Variants in BACH2 observed in about 807,000 individuals in gnomAD.
BACH2 encodes the protein BACH transcriptional regulator 2.
A neutral mutation model predicts 61.8 loss-of-function variants in BACH2; 5 were observed. The ratio of observed to expected loss-of-function variants is 0.08; its 90% CI spans 0.04 to 0.17. The LOEUF is 0.17. BACH2 is among the 10% of genes least tolerant of loss of function. The pLI is 1.00. For missense variants in BACH2, 824 were observed against 1,091.1 expected (o/e 0.76, Z 3.45); for synonymous variants, 446 against 440.1 (o/e 1.01, Z -0.17).
chr6:90,052,654 C>T (rs887071819), intron 5 of BACH2, among the ~76,000 whole-genome samples: 1 of 152,170 alleles, frequency 6.6e-6, no homozygotes, highest in Non-Finnish European at 1.5e-5. Context: ...CTCCTGGCCT[C>T]AAGTGATCTG....
At chr6:90,272,469 ACTC>A (rs1301061233) in intron 1 of BACH2, among the ~76,000 whole-genome samples, 1 of 149,268 alleles carries the variant, frequency 6.7e-6, no homozygotes, top group African/African-American at 2.5e-5. Context: ...CCTCCCTTGA[ACTC>A]CTCTCCTTTA....
intron 4 of BACH2, among the ~76,000 whole-genome samples, chr6:90,103,495 T>G (rs1445047005): frequency 6.6e-6 from 1 of 152,194 alleles, no homozygotes; most frequent in Non-Finnish European, 1.5e-5. Flanking sequence ...ATCGGATTTG[T>G]GTGTAAATGA....
intron 5 of BACH2, among the ~76,000 whole-genome samples, chr6:90,075,672 C>T (rs1161733666): frequency 6.6e-6 from 1 of 152,092 alleles, no homozygotes; most frequent in Non-Finnish European, 1.5e-5. Context: ...AGAAAACCTG[C>T]CATTTGGAAG....
chr6:90,139,175 T>C (rs1336164857), intron 4 of BACH2, among the ~76,000 whole-genome samples: 1 of 152,264 alleles, frequency 6.6e-6, no homozygotes, highest in East Asian at 1.9e-4. Context: ...AGTGATTCTA[T>C]ATGCCCATGG....
intron 4 of BACH2, among the ~76,000 whole-genome samples, chr6:90,142,542 G>C (rs1784494721): frequency 6.6e-6 from 1 of 152,104 alleles, no homozygotes; most frequent in African/African-American, 2.4e-5. Flanking sequence ...ACAGTACTTT[G>C]TTATTCAAAA....
chr6:90,071,554 C>T (rs1041463887), intron 5 of BACH2, among the ~76,000 whole-genome samples: 4 of 152,224 alleles, frequency 2.6e-5, no homozygotes, highest in Admixed American at 2.6e-4. Context: ...CATGGCAGTA[C>T]AGCCTTTTCT....
At chr6:90,192,644 G>A (rs899523253) in intron 4 of BACH2, among the ~76,000 whole-genome samples, 3 of 152,236 alleles carry the variant, frequency 2.0e-5, no homozygotes, top group Admixed American at 2.0e-4. Flanking sequence ...CTGTACTGTA[G>A]AAAATCACTC....
intron 3 of BACH2, among the ~76,000 whole-genome samples, chr6:90,210,829 A>C (rs1047878061): frequency 1.3e-5 from 2 of 152,168 alleles, no homozygotes; most frequent in African/African-American, 4.8e-5. Context: ...GACTTCTAAA[A>C]GGTTAATGAA....
At chr6:89,960,386 TCC>T (rs1774676759) in intron 6 of BACH2, among the ~76,000 whole-genome samples, 1 of 152,232 alleles carries the variant, frequency 6.6e-6, no homozygotes, top group African/African-American at 2.4e-5. Flanking sequence ...ACTCTCATGC[TCC>T]CTTTCTACCT....
intron 2 of BACH2, among the ~76,000 whole-genome samples, chr6:90,271,455 A>G (rs907835616): frequency 6.6e-6 from 1 of 152,038 alleles, no homozygotes; most frequent in Non-Finnish European, 1.5e-5. Context: ...CAGAGCTTGG[A>G]GATTCATTCA....
chr6:90,012,816 T>C lies in BACH2; in HGVS notation c.-12-3960A>G, dbSNP rs12662299. Among the ~76,000 whole-genome samples, 631 of 151,964 alleles carry C rather than the reference T, an allele frequency of 4.2e-3. 15 individuals carry two copies. In the East Asian group the frequency reaches 0.082, roughly 20 times the overall value. ...GAGTAGCTGGAATTAAAGAGGCATGTGCCACCGTGCTTGGTCAATTTTTGT... is the reference window on the plus strand; with the variant it reads ...GAGTAGCTGGAATTAAAGAGGCATGCGCCACCGTGCTTGGTCAATTTTTGT... On this transcript the variant is annotated intron_variant, in intron 5 of 8. Coordinates refer to ENST00000257749, the MANE Select transcript of BACH2 (RefSeq NM_021813.4).
intron 4 of BACH2, among the ~76,000 whole-genome samples, chr6:90,194,589 A>T (rs978330782): frequency 6.6e-6 from 1 of 152,330 alleles, no homozygotes; most frequent in Middle Eastern, 3.4e-3. Context: ...CATTATTCCA[A>T]ATGGAGAAAG....
chr6:90,161,086 CAAAAAAA>C (rs11390042), intron 4 of BACH2, among the ~76,000 whole-genome samples: 3 of 105,222 alleles, frequency 2.9e-5, no homozygotes, highest in African/African-American at 1.0e-4. Context: ...GACTCCGTCT[CAAAAAAA>C]AAAAAAAAAA....
At chr6:90,172,906 A>C (rs1319806772) in intron 4 of BACH2, among the ~76,000 whole-genome samples, 1 of 152,086 alleles carries the variant, frequency 6.6e-6, no homozygotes, top group Non-Finnish European at 1.5e-5. Flanking sequence ...AAAACTATAA[A>C]CCAAATAACC....
At chr6:89,977,648 A>G (rs1775725207) in intron 6 of BACH2, among the ~76,000 whole-genome samples, 1 of 152,262 alleles carries the variant, frequency 6.6e-6, no homozygotes, top group Non-Finnish European at 1.5e-5. Context: ...TTTAAACCTT[A>G]GATCTGTCAA....
intron 5 of BACH2, among the ~76,000 whole-genome samples, chr6:90,053,251 T>G (rs1020520529): frequency 1.3e-5 from 2 of 152,322 alleles, no homozygotes; most frequent in Non-Finnish European, 2.9e-5. Flanking sequence ...CCTTTTGCTA[T>G]CTCTTTTCTT....
chr6:90,134,934 T>C lies in BACH2; in HGVS notation c.-161-45825A>G, dbSNP rs79751395. Among the ~76,000 whole-genome samples, 59 of 152,250 alleles carry C rather than the reference T, an allele frequency of 3.9e-4. No homozygotes were observed. The East Asian group carries it at 0.011, about 29-fold the overall frequency. On this transcript the variant is annotated intron_variant, in intron 4 of 8. Coordinates refer to ENST00000257749, the MANE Select transcript of BACH2 (RefSeq NM_021813.4). ...CAGTTATTGAGATCTACATGGCAGA[T>C]ACAGGCAGAGCAGATGGCAGGAAAC...
chr6:89,971,849 C>A (rs558954309), intron 6 of BACH2, among the ~76,000 whole-genome samples: 1 of 152,254 alleles, frequency 6.6e-6, no homozygotes, highest in East Asian at 1.9e-4. Flanking sequence ...CAGTTTATCT[C>A]CCACCGGGTC....
chr6:90,149,425 T>C (rs1251963178), intron 4 of BACH2, among the ~76,000 whole-genome samples: 1 of 152,182 alleles, frequency 6.6e-6, no homozygotes, highest in Non-Finnish European at 1.5e-5. Context: ...CCAAAGTCCA[T>C]CTTCTTCCTA....
Sources: allele counts gnomAD v4.1 joint callset (sites outside exome capture counted in the v4.1 genomes callset), GRCh38; gene constraint gnomAD v4.1.1; transcripts MANE v1.5; gene names NCBI Gene and HGNC (gene_info 2026-07-23, HGNC 2026-07-21).